The following ADGRV1 variants were observed in gnomAD, a reference collection of about 807,000 sequenced individuals.
The protein encoded by ADGRV1 is G-protein coupled receptor 98.
In ADGRV1, 359 loss-of-function variants were observed where a neutral mutation model predicts 596.2. That is an observed-to-expected ratio of 0.60 (90% CI 0.55 to 0.66). The LOEUF (loss-of-function observed/expected upper bound fraction) is 0.66. Among genes scored for constraint, ADGRV1 ranks in the 30% least tolerant of loss-of-function variants. ADGRV1 has a pLI of 0.00. For missense variants in ADGRV1, 7,274 were observed against 7,575.6 expected (o/e 0.96, Z 1.48); for synonymous variants, 2,681 against 2,679.2 (o/e 1.00, Z -0.02).
At chr5:90,930,876 T>G (rs1775182963) in intron 83 of ADGRV1, among the ~76,000 whole-genome samples, 1 of 152,032 alleles carries the variant, frequency 6.6e-6, no homozygotes, top group South Asian at 2.1e-4. Flanking sequence ...TTGCAGAGGG[T>G]CCCCTCTGGG....
intron 59 of ADGRV1, among the ~76,000 whole-genome samples, chr5:90,769,127 G>C (rs1221592837): frequency 6.6e-6 from 1 of 152,140 alleles, no homozygotes; most frequent in African/African-American, 2.4e-5. Context: ...TGTCAGATGA[G>C]GGTAATAAGT....
intron 85 of ADGRV1, among the ~76,000 whole-genome samples, chr5:91,037,704 C>T (rs959167632): frequency 6.6e-5 from 10 of 152,230 alleles, no homozygotes; most frequent in Admixed American, 4.6e-4. Context: ...ATTATATATT[C>T]GAGGGACTTG....
chr5:90,831,066 A>G (rs2150329490), intron 77 of ADGRV1, among the ~76,000 whole-genome samples: 1 of 152,232 alleles, frequency 6.6e-6, no homozygotes, highest in African/African-American at 2.4e-5. Flanking sequence ...GAACTACACC[A>G]TTGGTTCTCC....
chr5:90,736,432 C>T, intron 50 of ADGRV1, among the ~76,000 whole-genome samples: 1 of 151,960 alleles, frequency 6.6e-6, no homozygotes, highest in Admixed American at 6.5e-5. Context: ...CCTGTAATTT[C>T]TTTTTTTCTT....
intron 17 of ADGRV1, among the ~76,000 whole-genome samples, chr5:90,648,124 C>T (rs1481321531): frequency 6.6e-6 from 1 of 152,188 alleles, no homozygotes; most frequent in Non-Finnish European, 1.5e-5. Flanking sequence ...TATCCTGTAG[C>T]ATTTTCCTTG....
At chr5:90,882,380 T>G (rs184718860) in intron 83 of ADGRV1, among the ~76,000 whole-genome samples, 37 of 152,330 alleles carry the variant, frequency 2.4e-4, no homozygotes, top group African/African-American at 8.2e-4. Context: ...GTCTTTTACC[T>G]TTTTAATTCC....
chr5:90,684,224 T>C lies in ADGRV1; in HGVS notation c.6274+29T>C, dbSNP rs1481409135. 9 of 1,528,890 alleles carry C rather than the reference T, an allele frequency of 5.9e-6. No homozygotes were observed. The African/African-American group carries it at 6.9e-5, about 12-fold the overall frequency. The allele number at this position is 1,528,890 out of a possible 1,614,324, so 94.7% of individuals were successfully genotyped here. On this transcript the variant is annotated intron_variant, in intron 28 of 89. Transcript: ENST00000405460. ...AGTATCCCTTAGTGTGTTATTATTA[T>C]TATTAGCTCTCAGAATCCTGAAACA...
intron 83 of ADGRV1, among the ~76,000 whole-genome samples, chr5:90,950,353 G>T (rs145129107): frequency 6.6e-6 from 1 of 152,072 alleles, no homozygotes; most frequent in Non-Finnish European, 1.5e-5. Flanking sequence ...ATGGAGTCTC[G>T]CTCTGTCATC....
intron 83 of ADGRV1, among the ~76,000 whole-genome samples, chr5:90,911,709 C>T (rs1399946155): frequency 6.6e-6 from 1 of 151,782 alleles, no homozygotes; most frequent in Non-Finnish European, 1.5e-5. Flanking sequence ...AAATTGTATC[C>T]CTCCTTTTCT....
intron 82 of ADGRV1, among the ~76,000 whole-genome samples, chr5:90,863,023 G>A (rs1368047570): frequency 6.6e-6 from 1 of 152,194 alleles, no homozygotes; most frequent in African/African-American, 2.4e-5. Flanking sequence ...GTCAATTGCT[G>A]TTATGTTTCA....
intron 6 of ADGRV1, among the ~76,000 whole-genome samples, chr5:90,626,937 T>A (rs1764836047): frequency 6.6e-6 from 1 of 152,218 alleles, no homozygotes; most frequent in South Asian, 2.1e-4. Flanking sequence ...TGGAGTTATC[T>A]AAGGACCAGT....
At chr5:90,885,936 ACCCACT>A (rs1047881583) in intron 83 of ADGRV1, among the ~76,000 whole-genome samples, 4 of 152,034 alleles carry the variant, frequency 2.6e-5, no homozygotes, top group African/African-American at 9.7e-5. Context: ...GTTGCTCATT[ACCCACT>A]CCCAGTATAT....
At chr5:90,640,427 A>G (rs1766817548) in intron 11 of ADGRV1, among the ~76,000 whole-genome samples, 1 of 151,566 alleles carries the variant, frequency 6.6e-6, no homozygotes, top group African/African-American at 2.4e-5. Context: ...AAAGGTTTTT[A>G]TTTTTTTTTA....
intron 83 of ADGRV1, among the ~76,000 whole-genome samples, chr5:90,924,726 G>C (rs1241154454): frequency 6.6e-6 from 1 of 152,144 alleles, no homozygotes; most frequent in Admixed American, 6.5e-5. Flanking sequence ...GTCCTGAATG[G>C]TAATGCCTAG....
intron 31 of ADGRV1, among the ~76,000 whole-genome samples, chr5:90,691,824 A>G (rs1302418248): frequency 6.6e-6 from 1 of 152,178 alleles, no homozygotes; most frequent in Non-Finnish European, 1.5e-5. Context: ...AGAACTTACT[A>G]TATGAAAAAT....
intron 41 of ADGRV1, among the ~76,000 whole-genome samples, chr5:90,711,776 T>C (rs1189122275): frequency 6.6e-6 from 1 of 152,166 alleles, no homozygotes; most frequent in African/African-American, 2.4e-5. Context: ...CTTTCTTCTC[T>C]TCCCCTATAA....
chr5:90,587,471 C>G (rs1758908338), intron 1 of ADGRV1, among the ~76,000 whole-genome samples: 1 of 151,526 alleles, frequency 6.6e-6, no homozygotes, highest in Admixed American at 6.6e-5. Flanking sequence ...TGACGTGATA[C>G]TGATATTTCC....
chr5:91,065,351 A>T (rs1264511952), intron 85 of ADGRV1, among the ~76,000 whole-genome samples: 3 of 152,164 alleles, frequency 2.0e-5, no homozygotes, highest in Admixed American at 2.0e-4. Context: ...CACAAAGAAG[A>T]CCTTGGAAAC....
chr5:90,750,554 TCA>T lies in ADGRV1; in HGVS notation c.10979_10980del (p.Ser3660PhefsTer3). ...AYGIVAFAQNSLYKQVEEMEQ... is the reference protein window; with the variant it reads ...AYGIVAFAQNXLYKQVEEMEQ... ...GACTTTCTGTGTATTTTTTCAGAAT[TCA>T]TTATATAAGCAAGTGGAAGAAATGG... On this transcript the variant is annotated frameshift_variant, in exon 53 of 90. Transcript: ENST00000405460. LOFTEE classifies it high-confidence loss of function. 1.3e-6 allele frequency: 2 copies of T among 1,598,254 alleles called. No individual in the cohort carries two copies. The highest frequency in any genetic ancestry group is 1.1e-5 in the South Asian group (1 of 87,920).
Sources: gnomAD v4.1 joint callset for allele counts (sites outside exome capture counted in the v4.1 genomes callset) on GRCh38, gnomAD v4.1.1 for gene constraint, MANE v1.5 for transcripts, NCBI Gene and HGNC (gene_info 2026-07-23, HGNC 2026-07-21) for gene names.